The following FRMD8 variants were observed in gnomAD, a reference collection of about 807,000 sequenced individuals.
The protein encoded by FRMD8 is FERM domain-containing protein 8.
FRMD8 carries 37 observed loss-of-function variants against 54.2 expected under a neutral mutation model. The ratio of observed to expected loss-of-function variants is 0.68; its 90% CI spans 0.53 to 0.90. FRMD8 has a LOEUF of 0.90. Ranked by LOEUF, FRMD8 falls within the 40% of genes least tolerant of loss-of-function variation. The probability of loss-of-function intolerance (pLI) is 0.00; values close to 1 mark genes in which losing one functional copy is unlikely to be tolerated. For missense variants in FRMD8, 585 were observed against 653.7 expected, an observed-to-expected ratio of 0.89 and a Z score of 1.15; for synonymous variants, 246 against 286.9, an observed-to-expected ratio of 0.86 and a Z score of 1.44.
Position 65,412,445 on chromosome 11 carries a change from G to A in FRMD8, c.*1085G>A, listed in dbSNP as rs1241708329. On this transcript the variant is annotated 3_prime_UTR_variant, in exon 11 of 11. Coordinates refer to ENST00000317568, the MANE Select transcript of FRMD8 (RefSeq NM_031904.5). ...CACACGGGACACTCTCTTCTTTATC[G>A]AGGACACTTGGAAAGGTGACTGATA... 2.0e-5 allele frequency: 3 copies of A among 152,280 alleles called. No individual in the cohort carries two copies. Among genetic ancestry groups the A allele is most frequent in the African/African-American group, 4.8e-5 (2 of 41,462 alleles). 9.4% of individuals were successfully genotyped at this position (152,280 alleles called of 1,614,324 possible).
chr11:65,398,825 G>A (rs758200716), intron 7 of FRMD8, among the ~76,000 whole-genome samples: 16 of 152,060 alleles, frequency 1.1e-4, no homozygotes, highest in Non-Finnish European at 8.8e-5. Context: ...GGAGCAGGAC[G>A]GCCCCAGGAA....
At position 65,394,088 on chromosome 11, in the gene FRMD8, C is replaced by T. The variant is rs766273759; in HGVS notation, c.403C>T (p.Arg135Trp). 33 of 1,613,928 alleles carry T rather than the reference C, an allele frequency of 2.0e-5. No homozygotes were observed. Among genetic ancestry groups the T allele is most frequent in the Non-Finnish European group, 2.5e-5 (30 of 1,179,962 alleles). Residue 135 changes from arginine (R) to tryptophan (W), a missense_variant, in exon 5 of 11, where the codon CGG (arginine) becomes TGG (tryptophan). By Grantham distance (101) the Arg-to-Trp change is moderately radical. Coordinates refer to ENST00000317568, the MANE Select transcript of FRMD8 (RefSeq NM_031904.5). ...AAGGAACGTGTTCTTCCCAAAGCGG[C>T]GGGAGCTCCAGGTGAGGCAGGAGCC... ...FRRNVFFPKRRELQIHDEEVL... is the reference protein window; with the variant it reads ...FRRNVFFPKRWELQIHDEEVL...
upstream of FRMD8, chr11:65,382,389 C>T (rs1321573519): frequency 9.7e-6 from 2 of 207,252 alleles, no homozygotes; most frequent in South Asian, 7.6e-5. This position sits in a 1 kb window ranked among gnomAD's most constrained non-coding sequence, Gnocchi z 4.4. Flanking sequence ...AGAGAGAGGC[C>T]GGGTGCGGAG....
rs1395467955 is a variant in FRMD8, at chr11:65,411,518, G to C, written c.*158G>C. On this transcript the variant is annotated 3_prime_UTR_variant, in exon 11 of 11. Coordinates refer to ENST00000317568, the MANE Select transcript of FRMD8 (RefSeq NM_031904.5). Reference sequence around the variant, plus strand: ...CCACGGAGAAGTGACTTTTGGGCCCGGGGCCATGCCCGGGCTGTGCAAAGC... The same window carrying C: ...CCACGGAGAAGTGACTTTTGGGCCCCGGGCCATGCCCGGGCTGTGCAAAGC... 2 of 536,866 alleles carry C rather than the reference G, an allele frequency of 3.7e-6. No homozygotes were observed. The highest frequency in any genetic ancestry group is 6.6e-6 in the Non-Finnish European group (2 of 304,644). The allele number at this position is 536,866 out of a possible 1,614,324, so 33.3% of individuals were successfully genotyped here.
At chr11:65,382,040 C>T, upstream of FRMD8, 1 of 1,126,358 alleles carries the variant, frequency 8.9e-7, no homozygotes, top group Admixed American at 1.7e-5. This position sits in a 1 kb window ranked among gnomAD's most constrained non-coding sequence, Gnocchi z 4.4. Context: ...CTGATAACCT[C>T]CCACTAATGT....
At position 65,396,858 on chromosome 11, in the gene FRMD8, C is replaced by T. The variant is rs1470475238; in HGVS notation, c.641C>T (p.Ala214Val). The stretch of plus-strand genomic sequence containing the variant: ...TGTAAGCGGGGCCAGAGTCTCTTTG[C>T]TGCCCTCCGGGGCCGTGGGGCCAGG... Reference protein sequence around the residue: ...HLCKRGQSLFAALRGRGARAG... With the variant: ...HLCKRGQSLFVALRGRGARAG... Residue 214 changes from alanine (A) to valine (V), a missense_variant, in exon 7 of 11, where the codon GCT becomes GTT. Transcript: ENST00000317568. 6.4e-7 allele frequency: 1 copy of T among 1,562,640 alleles called. No individual in the cohort carries two copies.
In FRMD8 at chr11:65,404,878, C is replaced by T; in HGVS notation, c.1086C>T (p.Ser362=). Reference sequence around the variant, plus strand: ...CTCCTCCCCAGGCCGAACTGATGAGCAGTCTCATTGAGTACTGCATCGAAC... The same window carrying T: ...CTCCTCCCCAGGCCGAACTGATGAGTAGTCTCATTGAGTACTGCATCGAAC... ...KIYSKQAELM[S]SLIEYCIELS... Residue 362 remains serine, a synonymous_variant, in exon 10 of 11, where the codon AGC becomes AGT. Coordinates refer to ENST00000317568, the MANE Select transcript of FRMD8 (RefSeq NM_031904.5). The surrounding 1 kb of genome is among the most constrained non-coding windows in gnomAD (Gnocchi z 4.7). The T allele has an allele frequency of 6.2e-7, 1 of 1,612,290 alleles. No homozygotes were observed. The highest frequency in any genetic ancestry group is 1.3e-5 in the African/African-American group (1 of 75,056).
Position 65,395,487 on chromosome 11 carries a change from C to T in FRMD8, c.581+1062C>T, listed in dbSNP as rs1478416777. On this transcript the variant is annotated intron_variant, in intron 6 of 10. Transcript: ENST00000317568. Reference sequence around the variant, plus strand: ...TTGGCAGATGGAGGTTGCAGTGAGCCGAGATCAAGCCATTGCACTCTAGCC... The same window carrying T: ...TTGGCAGATGGAGGTTGCAGTGAGCTGAGATCAAGCCATTGCACTCTAGCC... 4.6e-5 allele frequency among the ~76,000 whole-genome samples: 7 copies of T among 152,204 alleles called. No individual in the cohort carries two copies. The East Asian group carries it at 9.6e-4, about 21-fold the overall frequency.
chr11:65,380,445 A>G, the FRMD8 span: 4 of 1,110,146 alleles, frequency 3.6e-6, no homozygotes, highest in Non-Finnish European at 5.1e-6. Flanking sequence ...GAGCCAGCCA[A>G]AGACGTACGT....
rs1382881455 is a variant in FRMD8 at position 65,404,929 on chromosome 11, C to A, written c.1137C>A (p.Gly379=). 2 of 1,613,268 alleles carry A rather than the reference C, an allele frequency of 1.2e-6. No individual in the cohort carries two copies. The highest frequency in any genetic ancestry group is 1.7e-6 in the Non-Finnish European group (2 of 1,179,988). The change falls in exon 10 of 11, where the codon GGC becomes GGA. Residue 379 remains glycine (G), a synonymous_variant. Transcript: ENST00000317568. The surrounding 1 kb of genome is among the most constrained non-coding windows in gnomAD (Gnocchi z 4.7). ...TGAGCCAGGCGGCGGAGCCCGCAGG[C>A]CCCCAGGACAGTGCGACTGGCTCGC... The part of the protein sequence containing the change: ...IELSQAAEPA[G]PQDSATGSPS...
chr11:65,376,851 A>C, the FRMD8 span: 3 of 1,614,220 alleles, frequency 1.9e-6, no homozygotes, highest in Non-Finnish European at 2.5e-6. Context: ...TACTGGCGAC[A>C]GAGCCCTTCA....
intron 3 of FRMD8, among the ~76,000 whole-genome samples, chr11:65,390,685 G>A (rs113062072): frequency 1.3e-5 from 2 of 152,070 alleles, no homozygotes; most frequent in African/African-American, 4.8e-5. Context: ...TTTCACCTCC[G>A]GGCCTCGAGT....
chr11:65,396,170 A>T (rs987124922), intron 6 of FRMD8, among the ~76,000 whole-genome samples: 7 of 152,166 alleles, frequency 4.6e-5, no homozygotes, highest in African/African-American at 7.2e-5. Context: ...GTAACCAACC[A>T]GGCAGGAGGC....
the FRMD8 span, among the ~76,000 whole-genome samples, chr11:65,369,357 A>G: frequency 1.3e-5 from 2 of 150,446 alleles, no homozygotes; most frequent in Non-Finnish European, 3.0e-5. Context: ...GGCCGAGGCA[A>G]GACGATCACT....
rs1349850287 is a variant in FRMD8, at chr11:65,411,376, CAGG to C, written c.*23_*25del. 2.0e-6 allele frequency: 3 copies of C among 1,529,960 alleles called. No homozygotes were observed. The highest frequency in any genetic ancestry group is 1.8e-6 in the Non-Finnish European group (2 of 1,128,148). 94.8% of individuals were successfully genotyped at this position (1,529,960 alleles called of 1,614,324 possible). The stretch of plus-strand genomic sequence containing the variant: ...GCAGGGCTGAGGACGCTGCACCCGG[CAGG>C]AGGAGGGCGACTGGGGGCCCTGGCC... On this transcript the variant is annotated 3_prime_UTR_variant, in exon 11 of 11. Transcript: ENST00000317568.
chr11:65,401,319 AGCCTCCCTCCCCAGCCTCCCTCCCCT>A (rs1445915375), intron 9 of FRMD8, among the ~76,000 whole-genome samples: 28 of 12,602 alleles, frequency 2.2e-3, no homozygotes, highest in African/African-American at 6.1e-3. Context: ...CTCCCTCCCC[AGCCTCCCTCCCCAGCCTCCCTCCCCT>A]GCCTCCCTCC....
intron 2 of FRMD8, among the ~76,000 whole-genome samples, chr11:65,388,118 C>G (rs1048316233): frequency 1.1e-4 from 16 of 151,058 alleles, no homozygotes; most frequent in African/African-American, 3.9e-4. Flanking sequence ...GAGCTGAGCT[C>G]GCACCATTGC....
At chr11:65,387,326 A>C in intron 2 of FRMD8, 2 of 664,560 alleles carry the variant, frequency 3.0e-6, no homozygotes, top group Non-Finnish European at 5.5e-6. Flanking sequence ...TCTCATTTGT[A>C]AAATGAGCTT....
rs1856352141 is a variant in FRMD8 at position 65,412,315 on chromosome 11, TGG to T, written c.*958_*959del. On this transcript the variant is annotated 3_prime_UTR_variant, in exon 11 of 11. Coordinates refer to ENST00000317568, the MANE Select transcript of FRMD8 (RefSeq NM_031904.5). ...TGGTCTTTGTTCATCTGAGTTGTGC[TGG>T]GGCAACGCCAGGAAGTGCCCTGGGT... 8.2e-6 allele frequency: 1 copy of T among 121,834 alleles called. No homozygotes were observed. Among genetic ancestry groups the T allele is most frequent in the Non-Finnish European group, 1.7e-5 (1 of 57,786 alleles). 7.5% of individuals were successfully genotyped at this position (121,834 alleles called of 1,614,324 possible).
Sources: gnomAD v4.1 joint callset for allele counts (sites outside exome capture counted in the v4.1 genomes callset) on GRCh38, gnomAD v4.1.1 for gene constraint, Gnocchi (gnomAD v3.1) non-coding constraint, MANE v1.5 for transcripts, NCBI Gene and HGNC (gene_info 2026-07-23, HGNC 2026-07-21) for gene names.